The following MASP1 variants were observed in gnomAD, a reference collection of about 807,000 sequenced individuals.
MASP1 encodes mannan-binding lectin serine protease 1.
MASP1 carries 59 observed loss-of-function variants against 77.1 expected under a neutral mutation model. The observed-to-expected ratio is 0.77, with a 90% confidence interval of 0.62 to 0.95. The LOEUF is 0.95. Among genes scored for constraint, MASP1 ranks in the 40% least tolerant of loss-of-function variants. The pLI is 0.00. For synonymous variants in MASP1, 362 were observed against 354.5 expected (o/e 1.02, Z -0.24); for missense variants, 885 against 912.9 (o/e 0.97, Z 0.39).
chr3:187,250,891 T>A (rs950406469), intron 7 of MASP1, among the ~76,000 whole-genome samples: 4 of 152,210 alleles, frequency 2.6e-5, no homozygotes, highest in South Asian at 2.1e-4. Context: ...GTGATTTTTT[T>A]AAAGCGAACC....
rs1713116422 is a variant in MASP1 at position 187,235,872 on chromosome 3, C to A, written c.1999G>T (p.Ala667Ser). 3 of 1,614,182 alleles carry A rather than the reference C, an allele frequency of 1.9e-6. No homozygotes were observed. The East Asian group carries it at 6.7e-5, about 36-fold the overall frequency. The change falls in exon 11 of 11, where the codon GCC becomes TCC. Residue 667 changes from alanine (A) to serine (S), a missense_variant. Physicochemically the swap from Ala to Ser is moderately conservative, Grantham distance 99. Transcript: ENST00000296280. ...CTCAAGTCATCAAAGATGACAAAGG[C>A]CCCACCGCTATCTCCAAGGCACGTG... ...KDTCLGDSGG[A>S]FVIFDDLSQR...
At chr3:187,248,999 C>A (rs1333894811) in intron 8 of MASP1, among the ~76,000 whole-genome samples, 1 of 152,184 alleles carries the variant, frequency 6.6e-6, no homozygotes, top group African/African-American at 2.4e-5. Context: ...CTCCAGTTTG[C>A]ATGAAAATTC....
At chr3:187,250,381 C>A in intron 7 of MASP1, 52 bp from the exon 8 acceptor site, 1 of 1,409,816 alleles carries the variant, frequency 7.1e-7, no homozygotes, top group South Asian at 1.2e-5. Context: ...GGGGTGGTGT[C>A]AGGGGTTTTT....
intron 6 of MASP1, among the ~76,000 whole-genome samples, chr3:187,252,343 C>T (rs1221201150): frequency 2.0e-5 from 3 of 152,204 alleles, no homozygotes; most frequent in African/African-American, 7.2e-5. Flanking sequence ...CCAAGGATGA[C>T]CCAAATTGCT....
At chr3:187,224,369 C>G (rs529477500) in intron 13 of MASP1, among the ~76,000 whole-genome samples, 2 of 116,638 alleles carry the variant, frequency 1.7e-5, no homozygotes, top group African/African-American at 6.8e-5. Context: ...TTTTTTGAGA[C>G]GGAGTCTCGC....
rs1453827797 is a variant in MASP1 at position 187,234,744 on chromosome 3, C to T, written c.*940G>A. ...TCCATTTTCCTGCCCAAAAGCACAG[C>T]AGGACACAGTGTGGGTCTTTTCTTT... On this transcript the variant is annotated 3_prime_UTR_variant, in exon 11 of 11. Coordinates refer to ENST00000296280, the MANE Select transcript of MASP1 (RefSeq NM_139125.4). 1 of 1,287,284 alleles carries T rather than the reference C, an allele frequency of 7.8e-7. No individual in the cohort carries two copies. The allele number at this position is 1,287,284 out of a possible 1,614,324, so 79.7% of individuals were successfully genotyped here.
rs72549256 is a variant in MASP1, at chr3:187,252,045, G to T, written c.893-293C>A. 0.028 allele frequency among the ~76,000 whole-genome samples: 4,297 copies of T among 152,280 alleles called. 101 individuals are homozygous for T. The highest frequency in any genetic ancestry group is 0.041 in the Non-Finnish European group (2,813 of 68,014). On this transcript the variant is annotated intron_variant, in intron 6 of 10. Transcript: ENST00000296280. The stretch of plus-strand genomic sequence containing the variant: ...TCATTAAATCCAATCCTTGTCTGAT[G>T]CTTCTCTTAAAATATCCTCCGCAGT...
intron 2 of MASP1, among the ~76,000 whole-genome samples, chr3:187,271,718 C>T (rs1716534862): frequency 6.6e-6 from 1 of 152,056 alleles, no homozygotes; most frequent in Admixed American, 6.5e-5. Context: ...AGCTTCCACC[C>T]CATGGTATAA....
intron 10 of MASP1, among the ~76,000 whole-genome samples, chr3:187,239,910 C>T (rs756410822): frequency 1.4e-4 from 22 of 152,288 alleles, no homozygotes; most frequent in Non-Finnish European, 2.9e-4. Flanking sequence ...ATGGTCAAAA[C>T]CTGACTCCCA....
chr3:187,253,705 G>A lies in MASP1; in HGVS notation c.745-390C>T, dbSNP rs991932067. On this transcript the variant is annotated intron_variant, in intron 5 of 10. Transcript: ENST00000296280. ...CCTTTGCAGGGACATGGATGAAGAC[G>A]GAAGTCATCATTCTCAGCAAACTAA... 7.9e-5 allele frequency among the ~76,000 whole-genome samples: 12 copies of A among 152,138 alleles called. 1 individual carries two copies. Among genetic ancestry groups the A allele is most frequent in the African/African-American group, 2.4e-4 (10 of 41,422 alleles).
rs746029366 is a variant in MASP1, at chr3:187,225,464, C to G, written c.1601G>C (p.Gly534Ala). The change falls in exon 13 of 16, where the codon GGC (glycine) becomes GCC (alanine). Residue 534 changes from glycine to alanine, a missense_variant. Coordinates refer to the MASP1 transcript ENST00000337774. Reference sequence around the variant, plus strand: ...GGGGTGGAGAGTGGTGTGTTTGACGCCGAGATGCTGTTCATTTTCATCTGA... The same window carrying G: ...GGGGTGGAGAGTGGTGTGTTTGACGGCGAGATGCTGTTCATTTTCATCTGA... The G allele has an allele frequency of 1.9e-6, 3 of 1,614,024 alleles. No individual in the cohort carries two copies. The African/African-American group carries it at 4.0e-5, about 22-fold the overall frequency.
At chr3:187,230,783 C>A (rs1199232146), downstream of MASP1, among the ~76,000 whole-genome samples, 3 of 152,228 alleles carry the variant, frequency 2.0e-5, no homozygotes, top group African/African-American at 7.2e-5. Context: ...AGGAAATTGA[C>A]TTCCAAAAGG....
At chr3:187,263,337 TA>T (rs1715763128) in intron 2 of MASP1, 1 of 153,914 alleles carries the variant, frequency 6.5e-6, no homozygotes, top group Non-Finnish European at 1.4e-5. Flanking sequence ...AGAAGGACTT[TA>T]TTTTCTTTAT....
intron 1 of MASP1, among the ~76,000 whole-genome samples, chr3:187,290,003 T>G (rs1362317676): frequency 1.3e-5 from 2 of 152,218 alleles, no homozygotes; most frequent in Non-Finnish European, 2.9e-5. Flanking sequence ...CGTAGTTGCT[T>G]GGCTATTCAA....
chr3:187,239,957 G>C (rs1713492971), intron 10 of MASP1, among the ~76,000 whole-genome samples: 1 of 152,080 alleles, frequency 6.6e-6, no homozygotes, highest in Non-Finnish European at 1.5e-5. Flanking sequence ...AGGATGAATG[G>C]TAGACAACTC....
intron 7 of MASP1, 198 bp downstream of exon 7, chr3:187,251,436 T>C (rs934396198): frequency 3.4e-6 from 2 of 583,172 alleles, no homozygotes; most frequent in African/African-American, 3.8e-5. Flanking sequence ...AAACAAACTT[T>C]TGTGCCACTT....
At chr3:187,260,989 T>C in intron 3 of MASP1, 117 bp from the exon 4 acceptor site, 1 of 1,182,608 alleles carries the variant, frequency 8.5e-7, no homozygotes, top group Non-Finnish European at 1.3e-6. Context: ...ATGCGTTCTC[T>C]CATTTAATCC....
At position 187,256,833 on chromosome 3, in the gene MASP1, T is replaced by C. The variant is rs757480724; in HGVS notation, c.575A>G (p.Gln192Arg). Residue 192 changes from glutamine (Q) to arginine (R), a missense_variant, in exon 5 of 11, where the codon CAA (glutamine) becomes CGA (arginine). Coordinates refer to ENST00000296280, the MANE Select transcript of MASP1 (RefSeq NM_139125.4). ...AGGGCTGGTGATCACCCCAGTCCTT[T>C]GAGTGAAGAGGTTGTCACTGCACTC... ...RVECSDNLFT[Q>R]RTGVITSPDF... 6.2e-7 allele frequency: 1 copy of C among 1,613,972 alleles called. No homozygotes were observed. The highest frequency in any genetic ancestry group is 1.1e-5 in the South Asian group (1 of 91,064).
At chr3:187,223,182 A>T (rs200126953) in exon 14 of MASP1, 7 of 1,614,112 alleles carry the variant, frequency 4.3e-6, no homozygotes, top group Non-Finnish European at 5.9e-6. Context: ...GCCGCTGACG[A>T]TGACCATGGC....
Sources: allele counts gnomAD v4.1 joint callset (sites outside exome capture counted in the v4.1 genomes callset), GRCh38; gene constraint gnomAD v4.1.1; transcripts MANE v1.5; gene names NCBI Gene and HGNC (gene_info 2026-07-23, HGNC 2026-07-21).